The following NINJ1 variants were observed in gnomAD, a reference collection of about 807,000 sequenced individuals.
NINJ1 encodes ninjurin-1.
NINJ1 carries 6 observed loss-of-function variants against 12.7 expected under a neutral mutation model. The ratio of observed to expected loss-of-function variants is 0.47; its 90% CI spans 0.26 to 0.93. The LOEUF (loss-of-function observed/expected upper bound fraction) is 0.93, where lower values mean the gene tolerates loss of function less well. Among genes scored for constraint, NINJ1 ranks in the 40% least tolerant of loss-of-function variants. NINJ1 has a pLI of 0.15. For missense variants in NINJ1, 170 were observed against 213.0 expected (o/e 0.80, Z 1.26); for synonymous variants, 100 against 96.0 (o/e 1.04, Z -0.25).
At chr9:93,126,118 G>T in intron 2 of NINJ1, 1 of 431,788 alleles carries the variant, frequency 2.3e-6, no homozygotes, top group South Asian at 3.3e-5. Flanking sequence ...GATCGCTTGA[G>T]CCCAGGAGAT....
At chr9:93,123,138 G>C (rs551770032) in intron 3 of NINJ1, among the ~76,000 whole-genome samples, 62 of 152,374 alleles carry the variant, frequency 4.1e-4, no homozygotes, top group Admixed American at 1.2e-3. Context: ...GGTGTGGTAG[G>C]GGAGCTTGAG....
rs1383131477 is a variant in NINJ1 at position 93,122,082 on chromosome 9, A to C, written c.*158T>G. 6.6e-6 allele frequency: 1 copy of C among 152,482 alleles called. No individual in the cohort carries two copies. The highest frequency in any genetic ancestry group is 1.5e-5 in the Non-Finnish European group (1 of 68,226). The allele number at this position is 152,482 out of a possible 1,614,324, so 9.4% of individuals were successfully genotyped here. A position where few individuals can be genotyped will look rare whatever the true frequency, so the allele number is the denominator to read the frequency against. ...CGTGGTGCTTGGCCGCAGTCAGAGC[A>C]AGGGCTGGTCCGGGGACATGGTGCA... On this transcript the variant is annotated 3_prime_UTR_variant, in exon 4 of 4. Coordinates refer to ENST00000375446, the MANE Select transcript of NINJ1 (RefSeq NM_004148.4).
intron 2 of NINJ1, 193 bp downstream of exon 2, chr9:93,126,217 A>G (rs915337733): frequency 5.4e-6 from 3 of 552,386 alleles, no homozygotes; most frequent in East Asian, 6.2e-5. Context: ...ACAAAACAAA[A>G]CAAAAACCAA....
At chr9:93,133,992 C>A in intron 1 of NINJ1, 151 bp downstream of exon 1, 1 of 488,682 alleles carries the variant, frequency 2.0e-6, no homozygotes, top group South Asian at 4.9e-5. Flanking sequence ...ATCGTTCTGA[C>A]CCTGATGGGG....
At chr9:93,125,137 G>A in intron 2 of NINJ1, 75 bp from the exon 3 acceptor site, 2 of 1,461,590 alleles carry the variant, frequency 1.4e-6, no homozygotes, top group Admixed American at 2.2e-5. Context: ...AGTGGAAGGG[G>A]ACCCACCCCA....
rs201900581 is a variant in NINJ1 at position 93,126,476 on chromosome 9, G to A, written c.238C>T (p.Leu80=). ...AGGGAGATGGAGATGAGGACCACCA[G>A]GGGCACATAGAAGGCGAAGCTGGGG... is the stretch of plus-strand genomic sequence containing the variant. ...QGPSFAFYVP[L]VVLISISLVL... The change falls in exon 2 of 4, where the codon CTG becomes TTG. Residue 80 remains leucine, a synonymous_variant. Transcript: ENST00000375446. 2 of 1,614,196 alleles carry A rather than the reference G, an allele frequency of 1.2e-6. No homozygotes were observed. The highest frequency in any genetic ancestry group is 1.3e-5 in the African/African-American group (1 of 75,050).
intron 3 of NINJ1, among the ~76,000 whole-genome samples, chr9:93,123,132 T>C (rs1397894982): frequency 6.6e-6 from 1 of 151,978 alleles, no homozygotes; most frequent in African/African-American, 2.4e-5. Context: ...GCCTTGGGTG[T>C]GGTAGGGGAG....
intron 3 of NINJ1, among the ~76,000 whole-genome samples, 188 bp downstream of exon 3, chr9:93,124,711 G>A (rs1001952040): frequency 2.6e-4 from 39 of 152,188 alleles, no homozygotes; most frequent in African/African-American, 8.9e-4. Context: ...GACCCCAGGT[G>A]GCCAGCACCA....
chr9:93,125,919 C>T (rs1827804130), intron 2 of NINJ1: 1 of 161,990 alleles, frequency 6.2e-6, no homozygotes, highest in Admixed American at 6.1e-5. Flanking sequence ...CAAAACAAAA[C>T]AAGGCTGAGC....
intron 1 of NINJ1, among the ~76,000 whole-genome samples, chr9:93,129,769 C>T (rs189969385): frequency 7.2e-5 from 11 of 152,346 alleles, no homozygotes; most frequent in Non-Finnish European, 1.5e-4. Flanking sequence ...TACAGCATAG[C>T]TGGCAACCAC....
chr9:93,124,956 C>G lies in NINJ1; in HGVS notation c.411G>C (p.Thr137=), dbSNP rs376766676. The G allele has an allele frequency of 6.2e-7, 1 of 1,614,084 alleles. No homozygotes were observed. The highest frequency in any genetic ancestry group is 8.5e-7 in the Non-Finnish European group (1 of 1,179,978). ...FIIVVVNIFI[T]AFGVQKPLMD... ...TCAAGGGCTTCTGGACCCCGAAGGCCGTGATGAAGATGTTGACTACCACGA... is the reference window on the plus strand; with the variant it reads ...TCAAGGGCTTCTGGACCCCGAAGGCGGTGATGAAGATGTTGACTACCACGA... The change falls in exon 3 of 4, where the codon ACG becomes ACC. Residue 137 remains threonine (T), a synonymous_variant. Coordinates refer to ENST00000375446, the MANE Select transcript of NINJ1 (RefSeq NM_004148.4).
At chr9:93,130,001 T>C (rs1193156205) in intron 1 of NINJ1, among the ~76,000 whole-genome samples, 1 of 152,050 alleles carries the variant, frequency 6.6e-6, no homozygotes, top group African/African-American at 2.4e-5. Flanking sequence ...CTACCACAGG[T>C]GAGGGAGCCC....
intron 2 of NINJ1, chr9:93,125,950 T>A: frequency 5.9e-6 from 1 of 168,726 alleles, no homozygotes; most frequent in Non-Finnish European, 1.3e-5. Flanking sequence ...ATGCCTGTAA[T>A]CCCAGTATTT....
chr9:93,125,955 G>A (rs1384387708), intron 2 of NINJ1: 1 of 170,618 alleles, frequency 5.9e-6, no homozygotes, highest in Non-Finnish European at 1.3e-5. Context: ...TGTAATCCCA[G>A]TATTTTGGGA....
intron 1 of NINJ1, chr9:93,131,524 G>A (rs1225328257): frequency 6.6e-6 from 1 of 152,316 alleles, no homozygotes; most frequent in Non-Finnish European, 1.5e-5. Flanking sequence ...GTGGCCCCAG[G>A]AACCTTCAAC....
At chr9:93,129,321 T>A (rs1260603722) in intron 1 of NINJ1, among the ~76,000 whole-genome samples, 2 of 152,222 alleles carry the variant, frequency 1.3e-5, no homozygotes, top group African/African-American at 4.8e-5. Context: ...AGGCTCCAGC[T>A]GTGTCCGGAC....
intron 1 of NINJ1, among the ~76,000 whole-genome samples, chr9:93,130,987 G>C (rs1310948535): frequency 6.6e-6 from 1 of 152,180 alleles, no homozygotes; most frequent in Non-Finnish European, 1.5e-5. Flanking sequence ...CAGATGGTGG[G>C]GCGACCTGAA....
intron 1 of NINJ1, among the ~76,000 whole-genome samples, chr9:93,131,048 TTCCGGCA>T (rs1361209367): frequency 6.6e-6 from 1 of 152,228 alleles, no homozygotes; most frequent in East Asian, 1.9e-4. Flanking sequence ...TGCCTGGGGC[TTCCGGCA>T]TCCCTTGTCT....
chr9:93,124,254 C>G (rs1025242438), intron 3 of NINJ1, among the ~76,000 whole-genome samples: 2 of 152,168 alleles, frequency 1.3e-5, no homozygotes, highest in African/African-American at 4.8e-5. Flanking sequence ...CCTGACTTAT[C>G]AAGAGAAGCC....
Sources: allele counts gnomAD v4.1 joint callset (sites outside exome capture counted in the v4.1 genomes callset), GRCh38; gene constraint gnomAD v4.1.1; transcripts MANE v1.5; gene names NCBI Gene and HGNC (gene_info 2026-07-23, HGNC 2026-07-21).